Variants in SH3GL2 observed in about 807,000 individuals in gnomAD.
The protein encoded by SH3GL2 is endophilin-A1.
Under a neutral mutation model 46.0 loss-of-function variants are expected in SH3GL2, and 24 were observed. That is an observed-to-expected ratio of 0.52 (90% CI 0.38 to 0.73). The LOEUF (loss-of-function observed/expected upper bound fraction) is 0.73. SH3GL2 is among the 30% of genes least tolerant of loss of function. The pLI, the probability that SH3GL2 is intolerant of heterozygous loss-of-function variation, is 0.00. For missense variants in SH3GL2, 413 were observed against 424.2 expected (o/e 0.97, Z 0.23); for synonymous variants, 196 against 147.1 (o/e 1.33, Z -2.40).
intron 1 of SH3GL2, among the ~76,000 whole-genome samples, chr9:17,580,757 G>C (rs994443830): frequency 3.9e-5 from 6 of 152,178 alleles, no homozygotes; most frequent in East Asian, 1.9e-4. Context: ...CAGGAATTCT[G>C]TGGCAGGACT....
intron 1 of SH3GL2, among the ~76,000 whole-genome samples, chr9:17,619,488 A>T (rs1175730092): frequency 6.6e-6 from 1 of 152,042 alleles, no homozygotes; most frequent in Non-Finnish European, 1.5e-5. Context: ...GACCAGCCTG[A>T]CCAATATGAT....
intron 1 of SH3GL2, among the ~76,000 whole-genome samples, chr9:17,706,025 T>A (rs1821464342): frequency 6.6e-6 from 1 of 152,076 alleles, no homozygotes; most frequent in African/African-American, 2.4e-5. Context: ...GACATAGGGC[T>A]AAAAACTGAT....
At chr9:17,613,038 G>T (rs1044777131) in intron 1 of SH3GL2, among the ~76,000 whole-genome samples, 1 of 151,984 alleles carries the variant, frequency 6.6e-6, no homozygotes, top group Non-Finnish European at 1.5e-5. Flanking sequence ...CTGTCATTTT[G>T]TTGTCAAGTT....
intron 6 of SH3GL2, 96 bp from the exon 7 acceptor site, chr9:17,791,135 T>G: frequency 3.7e-6 from 3 of 803,112 alleles, no homozygotes; most frequent in Non-Finnish European, 6.5e-6. Flanking sequence ...AGGGGCTGTG[T>G]GTTGAGGGCA....
At chr9:17,715,251 C>G (rs1821721924) in intron 1 of SH3GL2, among the ~76,000 whole-genome samples, 1 of 146,780 alleles carries the variant, frequency 6.8e-6, no homozygotes, top group Admixed American at 6.8e-5. Context: ...CACAAAATTG[C>G]TTTGTTGTCC....
chr9:17,588,760 A>C (rs1328145337), intron 1 of SH3GL2, among the ~76,000 whole-genome samples: 1 of 152,216 alleles, frequency 6.6e-6, no homozygotes, highest in Non-Finnish European at 1.5e-5. Flanking sequence ...CAGACTTCTA[A>C]TTTATAGAAT....
chr9:17,584,271 CG>C (rs1416578328), intron 1 of SH3GL2, among the ~76,000 whole-genome samples: 2 of 152,096 alleles, frequency 1.3e-5, no homozygotes, highest in African/African-American at 2.4e-5. Flanking sequence ...GAGGCCAAGG[CG>C]GGCGGATCAC....
At chr9:17,687,231 A>G (rs1820942116) in intron 1 of SH3GL2, among the ~76,000 whole-genome samples, 1 of 152,104 alleles carries the variant, frequency 6.6e-6, no homozygotes, top group Admixed American at 6.6e-5. Context: ...TTTTCAATCC[A>G]ATTTCACTTA....
chr9:17,738,412 T>G (rs543607756), intron 1 of SH3GL2, among the ~76,000 whole-genome samples: 1 of 142,322 alleles, frequency 7.0e-6, no homozygotes, highest in East Asian at 2.1e-4. Flanking sequence ...CAGGTAGAAA[T>G]TGTAGCAGTT....
intron 1 of SH3GL2, among the ~76,000 whole-genome samples, chr9:17,617,402 T>C (rs1014827712): frequency 1.3e-5 from 2 of 152,196 alleles, no homozygotes; most frequent in African/African-American, 4.8e-5. Flanking sequence ...CTCAGGGAAA[T>C]AGGCATCATT....
chr9:17,713,384 T>C (rs138566320), intron 1 of SH3GL2, among the ~76,000 whole-genome samples: 2 of 151,660 alleles, frequency 1.3e-5, no homozygotes, highest in East Asian at 1.9e-4. Flanking sequence ...GTACTGTTTT[T>C]CTATTTTTTA....
intron 1 of SH3GL2, among the ~76,000 whole-genome samples, chr9:17,743,569 A>ACACACACACAC (rs1822592322): frequency 7.0e-6 from 1 of 143,588 alleles, no homozygotes; most frequent in East Asian, 2.1e-4. Flanking sequence ...CTCTTTTGTG[A>ACACACACACAC]ACACACACAC....
At chr9:17,685,567 T>C (rs1456898464) in intron 1 of SH3GL2, among the ~76,000 whole-genome samples, 1 of 152,094 alleles carries the variant, frequency 6.6e-6, no homozygotes, top group East Asian at 1.9e-4. Context: ...CTTCTAGGGT[T>C]TTTATGGTTT....
chr9:17,773,613 C>T (rs555188427), intron 3 of SH3GL2, among the ~76,000 whole-genome samples: 4 of 152,114 alleles, frequency 2.6e-5, no homozygotes, highest in East Asian at 3.9e-4. Context: ...ATCATTTGAC[C>T]GTGTATGCAA....
chr9:17,593,213 T>G (rs12003553), intron 1 of SH3GL2, among the ~76,000 whole-genome samples: 5,117 of 152,276 alleles, frequency 0.034, 173 homozygotes, highest in African/African-American at 0.084. Flanking sequence ...CTCTGGCAAA[T>G]TAGTTGAATC....
At chr9:17,721,740 C>G (rs904575222) in intron 1 of SH3GL2, among the ~76,000 whole-genome samples, 4 of 152,124 alleles carry the variant, frequency 2.6e-5, no homozygotes, top group African/African-American at 9.7e-5. Context: ...CTGAGCCATA[C>G]TACTGGCTTT....
intron 1 of SH3GL2, among the ~76,000 whole-genome samples, chr9:17,635,248 T>C (rs145607739): frequency 0.013 from 1,951 of 152,354 alleles, 60 homozygotes; most frequent in African/African-American, 0.044. Context: ...TATGGTTTTC[T>C]GTTCCTGCAT....
rs189856330 is a variant in SH3GL2 at position 17,700,728 on chromosome 9, A to G, written c.46-46338A>G. On this transcript the variant is annotated intron_variant, in intron 1 of 8. Coordinates refer to ENST00000380607, the MANE Select transcript of SH3GL2 (RefSeq NM_003026.5). ...GGCCTGGGTTAAAATCCTGTCAGCA[A>G]TAACGCCATATGGTTTCCTAGATGC... Among the ~76,000 whole-genome samples the G allele has an allele frequency of 1.1e-4, 16 of 152,302 alleles. No homozygotes were observed. In the East Asian group the frequency reaches 2.9e-3, roughly 28 times the overall value.
At chr9:17,786,308 G>C (rs2131185605) in intron 3 of SH3GL2, 73 bp from the exon 4 acceptor site, 6 of 1,428,644 alleles carry the variant, frequency 4.2e-6, no homozygotes, top group South Asian at 1.3e-5. Flanking sequence ...TCTGAGACCT[G>C]ATCCTCCATC....
Sources: allele counts gnomAD v4.1 joint callset (sites outside exome capture counted in the v4.1 genomes callset), GRCh38; gene constraint gnomAD v4.1.1; transcripts MANE v1.5; gene names NCBI Gene and HGNC (gene_info 2026-07-23, HGNC 2026-07-21).